NTNG1: variants seen among roughly 807,000 people sequenced by gnomAD.
NTNG1 encodes the protein netrin G1, also known as netrin-G1.
A neutral mutation model predicts 54.0 loss-of-function variants in NTNG1; 16 were observed. The ratio of observed to expected loss-of-function variants is 0.30; its 90% confidence interval spans 0.20 to 0.45. The LOEUF (loss-of-function observed/expected upper bound fraction) is 0.45. Ranked by LOEUF, NTNG1 falls within the 20% of genes least tolerant of loss-of-function variation. The pLI, the probability that NTNG1 is intolerant of heterozygous loss-of-function variation, is 1.00. For missense variants in NTNG1, 530 were observed against 678.7 expected (o/e 0.78, Z 2.43); for synonymous variants, 255 against 263.1 (o/e 0.97, Z 0.30).
chr1:107,396,132 A>G (rs1439300907), intron 4 of NTNG1, among the ~76,000 whole-genome samples: 1 of 152,168 alleles, frequency 6.6e-6, no homozygotes, highest in Non-Finnish European at 1.5e-5. Flanking sequence ...CAAGGTTTGC[A>G]CTCTTTAAAA....
At position 107,155,639 on chromosome 1, in the gene NTNG1, TGA is replaced by T. The variant is rs373495617; in HGVS notation, c.246+6806_246+6807del. 1.7e-3 allele frequency among the ~76,000 whole-genome samples: 253 copies of T among 152,284 alleles called. 1 individual carries two copies. Among genetic ancestry groups the T allele is most frequent in the African/African-American group, 5.9e-3 (244 of 41,566 alleles). On this transcript the variant is annotated intron_variant, in intron 2 of 7. Transcript: ENST00000370068. Reference sequence around the variant, plus strand: ...ACTACTCTTTAAGTGGGATGATATGTGAGAGAGCCACCACACTTGCTAATGTA... The same window carrying T: ...ACTACTCTTTAAGTGGGATGATATGTGAGAGCCACCACACTTGCTAATGTA...
At chr1:107,196,881 C>CTA (rs531861788) in intron 2 of NTNG1, among the ~76,000 whole-genome samples, 39 of 151,812 alleles carry the variant, frequency 2.6e-4, no homozygotes, top group African/African-American at 8.0e-4. Flanking sequence ...GCTCTAATGT[C>CTA]ATATTTTTCT....
chr1:107,181,000 GAAACC>G (rs1304668338), intron 2 of NTNG1, among the ~76,000 whole-genome samples: 2 of 152,142 alleles, frequency 1.3e-5, no homozygotes, highest in Non-Finnish European at 2.9e-5. Context: ...AGGAAAGCCA[GAAACC>G]AATGGCCAAG....
Position 107,254,348 on chromosome 1 carries a change from T to C in NTNG1, c.247-69934T>C, listed in dbSNP as rs542244472. Among the ~76,000 whole-genome samples, 10 of 152,374 alleles carry C rather than the reference T, an allele frequency of 6.6e-5. No individual in the cohort carries two copies. The South Asian group carries it at 1.9e-3, about 28-fold the overall frequency. On this transcript the variant is annotated intron_variant, in intron 2 of 7. Transcript: ENST00000370068. ...TAAGCACTTACCAAGATTTTCTCTG[T>C]ATCCAGTAAGCTAAAATAACAAAGT... is the stretch of plus-strand genomic sequence containing the variant.
chr1:107,205,776 C>T (rs1257604847), intron 2 of NTNG1, among the ~76,000 whole-genome samples: 1 of 152,104 alleles, frequency 6.6e-6, no homozygotes, highest in Non-Finnish European at 1.5e-5. Context: ...CCAGGAACAC[C>T]TCTCATGCCC....
At chr1:107,357,313 C>G (rs1047135462) in intron 3 of NTNG1, among the ~76,000 whole-genome samples, 3 of 152,138 alleles carry the variant, frequency 2.0e-5, no homozygotes, top group Non-Finnish European at 2.9e-5. Context: ...TTATACTTAA[C>G]TGGGCCAGAA....
chr1:107,179,860 C>G (rs1656937817), intron 2 of NTNG1, among the ~76,000 whole-genome samples: 1 of 152,112 alleles, frequency 6.6e-6, no homozygotes, highest in South Asian at 2.1e-4. Flanking sequence ...GCTTCCTTTT[C>G]AAGAGTTTCT....
chr1:107,214,260 C>T (rs561388982), intron 2 of NTNG1, among the ~76,000 whole-genome samples: 2 of 152,194 alleles, frequency 1.3e-5, no homozygotes, highest in South Asian at 4.1e-4. Flanking sequence ...AATCTTTTAT[C>T]CCTCACCCCT....
rs533798271 is a variant in NTNG1, at chr1:107,174,837, T to G, written c.246+25998T>G. Among the ~76,000 whole-genome samples the G allele has an allele frequency of 2.0e-5, 3 of 152,176 alleles. No individual in the cohort carries two copies. In the South Asian group the frequency reaches 6.2e-4, roughly 32 times the overall value. On this transcript the variant is annotated intron_variant, in intron 2 of 7. Coordinates refer to ENST00000370068, the MANE Select transcript of NTNG1 (RefSeq NM_001113226.3). ...AAGGGCAAGGATAATTCAGCCATAT[T>G]CCCAGAACTTAGTACCATCCCTGAT... is the stretch of plus-strand genomic sequence containing the variant.
chr1:107,351,802 C>A (rs1053750950), intron 3 of NTNG1, among the ~76,000 whole-genome samples: 1 of 152,224 alleles, frequency 6.6e-6, no homozygotes, highest in Non-Finnish European at 1.5e-5. Flanking sequence ...AGGCAAGTTC[C>A]TTCCACCTAT....
chr1:107,439,875 T>A (rs1231213992), intron 7 of NTNG1, among the ~76,000 whole-genome samples: 2 of 151,948 alleles, frequency 1.3e-5, no homozygotes, highest in African/African-American at 4.8e-5. Flanking sequence ...TGATAATTTT[T>A]TTTTTTCATT....
chr1:107,483,921 C>A lies in NTNG1; in HGVS notation c.*3081C>A, dbSNP rs370760653. Among the ~76,000 whole-genome samples, 1 of 152,102 alleles carries A rather than the reference C, an allele frequency of 6.6e-6. No homozygotes were observed. The highest frequency in any genetic ancestry group is 2.1e-4 in the South Asian group (1 of 4,828). On this transcript the variant is annotated 3_prime_UTR_variant, in exon 8 of 8. Coordinates refer to ENST00000370068, the MANE Select transcript of NTNG1 (RefSeq NM_001113226.3). ...TATTTATTTCTGACCCTGTACACAG[C>A]CTAGGGGAAGAATTTAGTCCAGCAA...
At chr1:107,302,402 A>G (rs1666377833) in intron 2 of NTNG1, among the ~76,000 whole-genome samples, 1 of 152,098 alleles carries the variant, frequency 6.6e-6, no homozygotes, top group African/African-American at 2.4e-5. Flanking sequence ...TTCTCCATTG[A>G]TAACCAGGTT....
intron 2 of NTNG1, among the ~76,000 whole-genome samples, chr1:107,291,446 C>A (rs1665598945): frequency 6.6e-6 from 1 of 152,056 alleles, no homozygotes; most frequent in African/African-American, 2.4e-5. Flanking sequence ...ACCCCTAACC[C>A]ATGTGTCGTT....
chr1:107,313,907 C>A (rs903372604), intron 2 of NTNG1, among the ~76,000 whole-genome samples: 6 of 152,058 alleles, frequency 3.9e-5, no homozygotes, highest in African/African-American at 1.4e-4. Flanking sequence ...AATTGATATA[C>A]CATTTGTTTA....
At chr1:107,418,787 T>C (rs559897012) in intron 5 of NTNG1, 83 of 601,914 alleles carry the variant, frequency 1.4e-4, no homozygotes, top group Middle Eastern at 1.1e-3. Context: ...TTTTTTCTAA[T>C]ATGAAGAGTG....
chr1:107,309,728 C>T (rs1666894606), intron 2 of NTNG1, among the ~76,000 whole-genome samples: 1 of 152,234 alleles, frequency 6.6e-6, no homozygotes, highest in South Asian at 2.1e-4. Flanking sequence ...AGAAGGTTAA[C>T]CAAGTATGAG....
chr1:107,334,320 T>C (rs1668451313), intron 3 of NTNG1, among the ~76,000 whole-genome samples: 1 of 151,992 alleles, frequency 6.6e-6, no homozygotes. Flanking sequence ...CTAGGAATTG[T>C]GTTTTTGTCC....
In NTNG1 at chr1:107,355,811, C is replaced by T. The variant is rs78735687; in HGVS notation, c.887+30889C>T. ...CTTTTCACAATACAAGTCCAACCACCGCCACCCTCAAACTCTAGGCCACAG... is the reference window on the plus strand; with the variant it reads ...CTTTTCACAATACAAGTCCAACCACTGCCACCCTCAAACTCTAGGCCACAG... On this transcript the variant is annotated intron_variant, in intron 3 of 7. Transcript: ENST00000370068. Among the ~76,000 whole-genome samples the T allele has an allele frequency of 6.4e-3, 972 of 152,162 alleles. 7 individuals carry two copies. Among genetic ancestry groups the T allele is most frequent in the African/African-American group, 0.021 (872 of 41,518 alleles).
Sources: gnomAD v4.1 joint callset for allele counts (sites outside exome capture counted in the v4.1 genomes callset) on GRCh38, gnomAD v4.1.1 for gene constraint, MANE v1.5 for transcripts, NCBI Gene and HGNC (gene_info 2026-07-23, HGNC 2026-07-21) for gene names.